PLXNA4: variants seen among roughly 807,000 people sequenced by gnomAD.
The protein encoded by PLXNA4 is plexin-A4.
Under a neutral mutation model 191.8 loss-of-function variants are expected in PLXNA4, and 44 were observed. That is an observed-to-expected ratio of 0.23 (90% confidence interval 0.18 to 0.29). PLXNA4 has a LOEUF of 0.29. Among genes scored for constraint, PLXNA4 ranks in the 10% least tolerant of loss-of-function variants. The pLI, the probability that PLXNA4 is intolerant of heterozygous loss-of-function variation, is 1.00. For missense variants in PLXNA4, 1,800 were observed against 2,488.8 expected, an observed-to-expected ratio of 0.72 and a Z score of 5.89; for synonymous variants, 1,082 against 1,009.5, an observed-to-expected ratio of 1.07 and a Z score of -1.36.
chr7:132,201,581 C>T (rs578095578), intron 12 of PLXNA4, among the ~76,000 whole-genome samples: 1 of 152,302 alleles, frequency 6.6e-6, no homozygotes, highest in South Asian at 2.1e-4. Context: ...TAATCCTGAC[C>T]AGCATCCGCA....
At chr7:132,385,083 T>C in intron 3 of PLXNA4, 3 of 1,543,346 alleles carry the variant, frequency 1.9e-6, no homozygotes, top group Non-Finnish European at 1.7e-6. Flanking sequence ...AGCTATGATG[T>C]ATGGCTGGGG....
At chr7:132,493,111 G>T (rs886657962) in intron 2 of PLXNA4, among the ~76,000 whole-genome samples, 1 of 152,176 alleles carries the variant, frequency 6.6e-6, no homozygotes, top group African/African-American at 2.4e-5. Flanking sequence ...AGGCTAATTG[G>T]TGAAAGCCTT....
intron 3 of PLXNA4, among the ~76,000 whole-genome samples, chr7:132,435,711 C>T (rs529557919): frequency 7.9e-5 from 12 of 152,298 alleles, no homozygotes; most frequent in Middle Eastern, 3.4e-3. Context: ...ACCCATGAGA[C>T]GCATGACAGG....
rs758420694 is a variant in PLXNA4, at chr7:132,489,319, C to T, written c.1344G>A (p.Val448=). ...TCTTCAGCTTGCCACTTTTGGTGCC[C>T]ACAAAGGCCAGAGAGTGGTTCTTGT... is the stretch of plus-strand genomic sequence containing the variant. ...YVYKNHSLAF[V]GTKSGKLKKI... is the part of the protein sequence containing the mutation. Residue 448 remains valine, a synonymous_variant, in exon 3 of 32, where the codon GTG becomes GTA. Transcript: ENST00000321063. 4.4e-6 allele frequency: 7 copies of T among 1,588,230 alleles called. No homozygotes were observed. Among genetic ancestry groups the T allele is most frequent in the African/African-American group, 1.3e-5 (1 of 74,516 alleles).
intron 2 of PLXNA4, among the ~76,000 whole-genome samples, chr7:132,644,559 C>T (rs910832609): frequency 3.3e-5 from 5 of 152,128 alleles, no homozygotes; most frequent in South Asian, 2.1e-4. Context: ...ACCAGAAAGG[C>T]GCATTTCAAT....
intron 5 of PLXNA4, among the ~76,000 whole-genome samples, chr7:132,230,173 T>C (rs1798476177): frequency 1.3e-5 from 2 of 152,148 alleles, no homozygotes; most frequent in Admixed American, 6.5e-5. Flanking sequence ...AGCGTTTAAG[T>C]CTCATAACAA....
At position 132,646,954 on chromosome 7, in the gene PLXNA4, C is replaced by T. The variant is rs142469074; in HGVS notation, c.-202-911G>A. ...GCAGTCACACACATATACAAACACA[C>T]GCTGTCATACACTCACAAATACCCA... On this transcript the variant is annotated intron_variant, in intron 1 of 4. Transcript: ENST00000378539. 5.6e-3 allele frequency among the ~76,000 whole-genome samples: 846 copies of T among 151,866 alleles called. 7 individuals carry two copies. Among genetic ancestry groups the T allele is most frequent in the African/African-American group, 0.019 (805 of 41,386 alleles).
Position 132,158,014 on chromosome 7 carries a change from C to G in PLXNA4, c.4660+1459G>C, listed in dbSNP as rs7788858. 4.8e-3 allele frequency among the ~76,000 whole-genome samples: 727 copies of G among 152,304 alleles called. 4 individuals are homozygous for G. The highest frequency in any genetic ancestry group is 0.017 in the African/African-American group (703 of 41,560). ...CACACACCCATACCCCTCCCCACCA[C>G]CATCACACATTGGCTTCCTCTGTGT... On this transcript the variant is annotated intron_variant, in intron 25 of 31. Transcript: ENST00000321063.
At chr7:132,336,514 C>T (rs1236491576) in intron 3 of PLXNA4, among the ~76,000 whole-genome samples, 2 of 152,150 alleles carry the variant, frequency 1.3e-5, no homozygotes, top group Admixed American at 6.6e-5. Context: ...TTTCTCTCTC[C>T]TCTAGAGATA....
chr7:132,626,512 G>A (rs536281862), intron 2 of PLXNA4, among the ~76,000 whole-genome samples: 2 of 152,260 alleles, frequency 1.3e-5, no homozygotes, highest in East Asian at 3.9e-4. Context: ...TGCTGTCCTT[G>A]TGATCATGAG....
rs577146765 is a variant in PLXNA4 at position 132,607,694 on chromosome 7, C to T, written c.-87+38234G>A. ...CTTTCCTCACGTTAATTAATTAGGC[C>T]TCTTGCATTCCCCAAGGAAATTCAG... On this transcript the variant is annotated intron_variant, in intron 2 of 4. Coordinates refer to the PLXNA4 transcript ENST00000378539. Among the ~76,000 whole-genome samples, 12 of 152,308 alleles carry T rather than the reference C, an allele frequency of 7.9e-5. No individual in the cohort carries two copies. In the East Asian group the frequency reaches 2.3e-3, roughly 29 times the overall value.
intron 3 of PLXNA4, among the ~76,000 whole-genome samples, chr7:132,360,546 C>T (rs1343791026): frequency 1.3e-5 from 2 of 152,190 alleles, no homozygotes; most frequent in African/African-American, 4.8e-5. Context: ...TCTATCCTTT[C>T]CTTAGCAAGC....
chr7:132,394,627 A>T (rs12673609), intron 3 of PLXNA4, among the ~76,000 whole-genome samples: 2 of 152,350 alleles, frequency 1.3e-5, no homozygotes, highest in East Asian at 3.9e-4. Flanking sequence ...CTCTGGGCTA[A>T]GATTAGCCAT....
intron 2 of PLXNA4, among the ~76,000 whole-genome samples, chr7:132,637,381 A>T (rs918706410): frequency 2.6e-5 from 4 of 152,372 alleles, no homozygotes; most frequent in South Asian, 4.1e-4. Flanking sequence ...CAAAGAGACC[A>T]GAGCAGGGTC....
At chr7:132,234,095 G>A (rs1200339113) in intron 5 of PLXNA4, among the ~76,000 whole-genome samples, 1 of 152,090 alleles carries the variant, frequency 6.6e-6, no homozygotes, top group Non-Finnish European at 1.5e-5. Flanking sequence ...GGAGGGAGAG[G>A]GAGGGAACGG....
chr7:132,217,980 C>G (rs1377081888), intron 9 of PLXNA4, among the ~76,000 whole-genome samples: 1 of 137,072 alleles, frequency 7.3e-6, no homozygotes, highest in Admixed American at 8.1e-5. Context: ...TGGGTTGGAT[C>G]CCAGGAATGC....
At chr7:132,276,127 A>G (rs1800268794) in intron 4 of PLXNA4, among the ~76,000 whole-genome samples, 1 of 152,090 alleles carries the variant, frequency 6.6e-6, no homozygotes, top group African/African-American at 2.4e-5. Flanking sequence ...TGCTGTGTTT[A>G]TTGTCTATCC....
At chr7:132,367,360 A>G (rs2116880970) in intron 3 of PLXNA4, among the ~76,000 whole-genome samples, 1 of 152,306 alleles carries the variant, frequency 6.6e-6, no homozygotes, top group Non-Finnish European at 1.5e-5. Flanking sequence ...GGATCACCAT[A>G]CACTGAACTC....
intron 1 of PLXNA4, among the ~76,000 whole-genome samples, chr7:132,550,459 G>T (rs1474360422): frequency 1.3e-5 from 2 of 152,206 alleles, no homozygotes; most frequent in African/African-American, 2.4e-5. Flanking sequence ...TCCAGGCTAG[G>T]ATTAACAGGG....
Sources: allele counts gnomAD v4.1 joint callset (sites outside exome capture counted in the v4.1 genomes callset), GRCh38; gene constraint gnomAD v4.1.1; transcripts MANE v1.5; gene names NCBI Gene and HGNC (gene_info 2026-07-23, HGNC 2026-07-21).